Variants in MACROD2 observed in about 807,000 individuals in gnomAD.
The protein encoded by MACROD2 is ADP-ribose glycohydrolase MACROD2.
A neutral mutation model predicts 70.4 loss-of-function variants in MACROD2; 36 were observed. That is an observed-to-expected ratio of 0.51 (90% CI 0.39 to 0.68). The LOEUF is 0.68. Among genes scored for constraint, MACROD2 ranks in the 30% least tolerant of loss-of-function variants. The pLI is 0.00. For missense variants in MACROD2, 496 were observed against 538.4 expected, an observed-to-expected ratio of 0.92 and a Z score of 0.78; for synonymous variants, 172 against 178.8, an observed-to-expected ratio of 0.96 and a Z score of 0.30.
intron 5 of MACROD2, among the ~76,000 whole-genome samples, chr20:15,223,208 A>T (rs1433378238): frequency 1.3e-5 from 2 of 152,228 alleles, no homozygotes; most frequent in East Asian, 3.8e-4. Flanking sequence ...CTCATTTTCC[A>T]TAGCTCTTCA....
At chr20:15,120,261 A>AGT (rs34652299) in intron 5 of MACROD2, among the ~76,000 whole-genome samples, 26,928 of 116,120 alleles carry the variant, frequency 0.23, 2,547 homozygotes, top group Middle Eastern at 0.39. Flanking sequence ...TTTAAGGGGG[A>AGT]GTGTGTGTGT....
At chr20:15,967,887 A>G (rs901887841) in intron 13 of MACROD2, among the ~76,000 whole-genome samples, 28 of 152,138 alleles carry the variant, frequency 1.8e-4, no homozygotes, top group South Asian at 4.1e-4. Context: ...TCTGAATTCT[A>G]TAAGCACTGG....
chr20:15,790,172 G>A (rs772814982), intron 8 of MACROD2, among the ~76,000 whole-genome samples: 3 of 151,878 alleles, frequency 2.0e-5, no homozygotes, highest in Non-Finnish European at 2.9e-5. Context: ...TAATATAATC[G>A]TACTACTGTT....
rs117266269 is a variant in MACROD2 at position 14,937,860 on chromosome 20, A to G, written c.418+252901A>G. 1.5e-3 allele frequency among the ~76,000 whole-genome samples: 235 copies of G among 152,194 alleles called. 1 individual carries two copies. Among genetic ancestry groups the G allele is most frequent in the Non-Finnish European group, 2.7e-3 (187 of 68,014 alleles). ...CACCCCCTTACCCTTCCTAGCCTCT[A>G]GTAACCACCAATCTACTCTATCTTT... On this transcript the variant is annotated intron_variant, in intron 5 of 17. Transcript: ENST00000684519.
At chr20:14,299,455 T>C (rs2082456156) in intron 3 of MACROD2, among the ~76,000 whole-genome samples, 1 of 152,138 alleles carries the variant, frequency 6.6e-6, no homozygotes, top group African/African-American at 2.4e-5. Context: ...GGTGAGGAGT[T>C]GCTTCTTATG....
intron 7 of MACROD2, among the ~76,000 whole-genome samples, chr20:15,435,925 C>G (rs1243999104): frequency 1.3e-5 from 2 of 152,254 alleles, no homozygotes; most frequent in Middle Eastern, 3.4e-3. Context: ...TTTCACAATG[C>G]TAGGTCAAAG....
chr20:14,693,859 A>C (rs2071090091), intron 5 of MACROD2, among the ~76,000 whole-genome samples: 1 of 152,186 alleles, frequency 6.6e-6, no homozygotes, highest in Non-Finnish European at 1.5e-5. Flanking sequence ...CCATATACGC[A>C]GAACCGCTTC....
At chr20:15,478,445 G>A (rs1257209163) in intron 7 of MACROD2, among the ~76,000 whole-genome samples, 1 of 152,222 alleles carries the variant, frequency 6.6e-6, no homozygotes. Flanking sequence ...TACTGATGAT[G>A]CATGTGACAT....
chr20:14,632,612 T>C (rs2123475738), intron 4 of MACROD2, among the ~76,000 whole-genome samples: 2 of 152,284 alleles, frequency 1.3e-5, no homozygotes, highest in Middle Eastern at 6.8e-3. Flanking sequence ...TATTGTTAAT[T>C]TGTGACATTC....
chr20:15,469,728 C>T (rs985731322), intron 7 of MACROD2, among the ~76,000 whole-genome samples: 6 of 152,138 alleles, frequency 3.9e-5, no homozygotes, highest in Non-Finnish European at 4.4e-5. Context: ...AGATGGAGAA[C>T]GCATCAGAAG....
At chr20:14,130,930 G>GTTTTTTTTTTT (rs11087075) in intron 3 of MACROD2, among the ~76,000 whole-genome samples, 2 of 109,654 alleles carry the variant, frequency 1.8e-5, no homozygotes, top group Admixed American at 8.4e-5. Context: ...TGTTTTTTTT[G>GTTTTTTTTTTT]TTTTTTTTTT....
At chr20:15,021,012 G>A (rs1214857334) in intron 5 of MACROD2, among the ~76,000 whole-genome samples, 1 of 146,720 alleles carries the variant, frequency 6.8e-6, no homozygotes, top group Non-Finnish European at 1.5e-5. Context: ...ATACACATGT[G>A]TATATGTATA....
At chr20:14,909,132 G>T (rs917048990) in intron 5 of MACROD2, among the ~76,000 whole-genome samples, 1 of 152,140 alleles carries the variant, frequency 6.6e-6, no homozygotes, top group Non-Finnish European at 1.5e-5. Flanking sequence ...CGTAAATTAA[G>T]AAGAGTTAGA....
intron 8 of MACROD2, among the ~76,000 whole-genome samples, chr20:15,859,606 T>C (rs957323313): frequency 6.6e-5 from 10 of 152,150 alleles, no homozygotes; most frequent in Non-Finnish European, 1.0e-4. Flanking sequence ...CATACACATA[T>C]ACATACATAA....
At chr20:14,291,642 G>A (rs2082387396) in intron 3 of MACROD2, among the ~76,000 whole-genome samples, 1 of 151,878 alleles carries the variant, frequency 6.6e-6, no homozygotes, top group Non-Finnish European at 1.5e-5. Flanking sequence ...AGGGCAGAAA[G>A]TAGTAGCAGT....
At position 15,959,040 on chromosome 20, in the gene MACROD2, G is replaced by T. The variant is rs904471446; in HGVS notation, c.908-8513G>T. ...AGCTGACAATATAGTCATTGCGTTAGGAAAATCTATTATAATAATTTCTAG... is the reference window on the plus strand; with the variant it reads ...AGCTGACAATATAGTCATTGCGTTATGAAAATCTATTATAATAATTTCTAG... On this transcript the variant is annotated intron_variant, in intron 12 of 17. Transcript: ENST00000684519. Among the ~76,000 whole-genome samples, 112 of 152,276 alleles carry T rather than the reference G, an allele frequency of 7.4e-4. 1 individual carries two copies. The highest frequency in any genetic ancestry group is 2.6e-3 in the African/African-American group (107 of 41,550).
At chr20:14,037,976 C>T (rs1021975177) in intron 2 of MACROD2, among the ~76,000 whole-genome samples, 2 of 151,670 alleles carry the variant, frequency 1.3e-5, no homozygotes, top group African/African-American at 4.8e-5. Flanking sequence ...GGTACGGGGG[C>T]GAGATAACTG....
intron 8 of MACROD2, among the ~76,000 whole-genome samples, chr20:15,803,985 T>C (rs2063747599): frequency 6.6e-6 from 1 of 152,254 alleles, no homozygotes; most frequent in Non-Finnish European, 1.5e-5. Flanking sequence ...TAAAAGATTT[T>C]AGACTCCCAA....
At chr20:15,519,108 TTCCTTCC>T (rs1377058795) in intron 8 of MACROD2, among the ~76,000 whole-genome samples, 22 of 148,604 alleles carry the variant, frequency 1.5e-4, no homozygotes, top group African/African-American at 5.5e-4. Flanking sequence ...CCTTCCTTCC[TTCCTTCC>T]TTCCTTTCTT....
Sources: gnomAD v4.1 joint callset for allele counts (sites outside exome capture counted in the v4.1 genomes callset) on GRCh38, gnomAD v4.1.1 for gene constraint, MANE v1.5 for transcripts, NCBI Gene and HGNC (gene_info 2026-07-23, HGNC 2026-07-21) for gene names.